Variants in CDC37 observed in about 807,000 individuals in gnomAD.
The protein encoded by CDC37 is hsp90 co-chaperone Cdc37.
Under a neutral mutation model 46.9 loss-of-function variants are expected in CDC37, and 9 were observed. That is an observed-to-expected ratio of 0.19 (90% CI 0.12 to 0.33). The LOEUF (loss-of-function observed/expected upper bound fraction) is 0.33. Among genes scored for constraint, CDC37 ranks in the 10% least tolerant of loss-of-function variants. The probability of loss-of-function intolerance (pLI) is 1.00; values close to 1 mark genes in which losing one functional copy is unlikely to be tolerated. For missense variants in CDC37, 388 were observed against 514.6 expected (o/e 0.75, Z 2.38); for synonymous variants, 193 against 191.0 (o/e 1.01, Z -0.09).
chr19:10,401,805 G>A (rs1354476014), intron 1 of CDC37, among the ~76,000 whole-genome samples: 1 of 152,124 alleles, frequency 6.6e-6, no homozygotes, highest in Non-Finnish European at 1.5e-5. Context: ...CCCTATGGGA[G>A]GGTGGGGTAA....
At position 10,403,454 on chromosome 19, in the gene CDC37, T is replaced by C. The variant is rs527724634; in HGVS notation, c.26A>G (p.His9Arg). 6.2e-7 allele frequency: 1 copy of C among 1,613,578 alleles called. No individual in the cohort carries two copies. The highest frequency in any genetic ancestry group is 1.3e-5 in the African/African-American group (1 of 75,048). Residue 9 changes from histidine to arginine, a missense_variant, in exon 1 of 8, where the codon CAC becomes CGC. By Grantham distance (29) the His-to-Arg change is conservative. Around this residue, in one of 2 missense-constraint regions of CDC37, gnomAD observed 14 missense variants for 47.2 expected, o/e 0.30. Transcript: ENST00000222005. Reference sequence around the variant, plus strand: ...GTCTTCATCATCAGACACCTCAATGTGGTCCCACACGCTGTAGTCCACCAT... The same window carrying C: ...GTCTTCATCATCAGACACCTCAATGCGGTCCCACACGCTGTAGTCCACCAT... MVDYSVWDHIEVSDDEDET... is the reference protein window; with the variant it reads MVDYSVWDRIEVSDDEDET...
rs373952957 is a variant in CDC37 at position 10,403,518 on chromosome 19, G to T, written c.-39C>A. Reference sequence around the variant, plus strand: ...CCCAGCCCGCTCCGGCTCGGGTGGCGGCGACGGCGGCAGCAGTGGAGACTA... The same window carrying T: ...CCCAGCCCGCTCCGGCTCGGGTGGCTGCGACGGCGGCAGCAGTGGAGACTA... On this transcript the variant is annotated 5_prime_UTR_variant, in exon 1 of 8. Transcript: ENST00000222005. 1.5e-5 allele frequency: 22 copies of T among 1,502,178 alleles called. No individual in the cohort carries two copies. The highest frequency in any genetic ancestry group is 1.8e-5 in the Non-Finnish European group (20 of 1,085,282). 93.1% of individuals were successfully genotyped at this position (1,502,178 alleles called of 1,614,324 possible).
Sources: gnomAD v4.1 joint callset for allele counts (sites outside exome capture counted in the v4.1 genomes callset) on GRCh38, gnomAD v4.1.1 for gene constraint, gnomAD v4.1.1 regional missense constraint, MANE v1.5 for transcripts, NCBI Gene and HGNC (gene_info 2026-07-23, HGNC 2026-07-21) for gene names.